Variants in ARSJ observed in about 807,000 individuals in gnomAD.
ARSJ encodes arylsulfatase family member J, also known as arylsulfatase J.
Under a neutral mutation model 35.9 loss-of-function variants are expected in ARSJ, and 26 were observed. The observed-to-expected ratio is 0.72, with a 90% CI of 0.53 to 1.00. ARSJ has a LOEUF of 1.00. Among genes scored for constraint, ARSJ ranks in the 50% least tolerant of loss-of-function variants. The pLI is 0.00. For synonymous variants in ARSJ, 294 were observed against 267.6 expected (o/e 1.10, Z -0.96); for missense variants, 667 against 723.6 (o/e 0.92, Z 0.90).
At chr4:113,935,519 A>C (rs958079755) in intron 1 of ARSJ, among the ~76,000 whole-genome samples, 10 of 151,942 alleles carry the variant, frequency 6.6e-5, no homozygotes, top group African/African-American at 2.2e-4. Flanking sequence ...CTGACTATAC[A>C]GAAAAATAAG....
chr4:113,947,237 T>C (rs1202711852), intron 1 of ARSJ, among the ~76,000 whole-genome samples: 1 of 152,040 alleles, frequency 6.6e-6, no homozygotes, highest in African/African-American at 2.4e-5. Flanking sequence ...TCCCAGCACA[T>C]TGGGAAGCCA....
In ARSJ at chr4:113,903,464, C is replaced by T; in HGVS notation, c.610G>A (p.Gly204Arg). 6 of 1,614,120 alleles carry T rather than the reference C, an allele frequency of 3.7e-6. No homozygotes were observed. Among genetic ancestry groups the T allele is most frequent in the African/African-American group, 1.3e-5 (1 of 75,046 alleles). ...CATTTGTAGTGTGTATAGTAATCCC[C>T]ACTTCCCAAAAGGGAACCAAAAAAG... ...DTFFGSLLGS[G>R]DYYTHYKCDS... is the part of the protein sequence containing the mutation. Residue 204 changes from glycine (G) to arginine (R), a missense_variant, in exon 2 of 2, where the codon GGG (glycine) becomes AGG (arginine). Transcript: ENST00000315366.
chr4:113,905,245 A>G (rs2099668353), intron 1 of ARSJ, among the ~76,000 whole-genome samples: 1 of 152,240 alleles, frequency 6.6e-6, no homozygotes, highest in Admixed American at 6.5e-5. Context: ...AGGTTGCAGA[A>G]AATTGTTAGG....
intron 1 of ARSJ, among the ~76,000 whole-genome samples, chr4:113,960,834 A>C (rs1726499440): frequency 1.3e-5 from 2 of 152,160 alleles, no homozygotes; most frequent in Admixed American, 6.6e-5. Flanking sequence ...GGAGATTGGC[A>C]GAAGTGCCCC....
intron 1 of ARSJ, among the ~76,000 whole-genome samples, chr4:113,954,174 C>T (rs1463799351): frequency 6.6e-6 from 1 of 152,018 alleles, no homozygotes; most frequent in Non-Finnish European, 1.5e-5. Flanking sequence ...ATATCCATTA[C>T]ATATCTCAAT....
At chr4:113,975,328 C>G (rs987321735) in intron 1 of ARSJ, among the ~76,000 whole-genome samples, 1 of 152,138 alleles carries the variant, frequency 6.6e-6, no homozygotes, top group Middle Eastern at 3.2e-3. Context: ...ATCAAAGATA[C>G]AAATTCAATT....
intron 1 of ARSJ, among the ~76,000 whole-genome samples, chr4:113,947,587 A>G: frequency 7.3e-6 from 1 of 136,338 alleles, no homozygotes; most frequent in Non-Finnish European, 1.6e-5. Flanking sequence ...AGGGAAAGGA[A>G]GGAAGGAGAG....
chr4:113,945,699 A>G (rs189601353), intron 1 of ARSJ, among the ~76,000 whole-genome samples: 1 of 152,238 alleles, frequency 6.6e-6, no homozygotes, highest in East Asian at 1.9e-4. Flanking sequence ...ACATTTACAT[A>G]TTAAAATTCC....
chr4:113,902,992 C>G lies in ARSJ; in HGVS notation c.1082G>C (p.Ser361Thr). ...GGIRAVGFVH[S>T]PLLKNKGTVC... Reference sequence around the variant, plus strand: ...TGTTCCCTTGTTTTTCAGAAGTGGGCTATGCACAAAGCCTACAGCCCGGAT... The same window carrying G: ...TGTTCCCTTGTTTTTCAGAAGTGGGGTATGCACAAAGCCTACAGCCCGGAT... Residue 361 changes from serine (S) to threonine (T), a missense_variant, in exon 2 of 2, where the codon AGC (serine) becomes ACC (threonine). Coordinates refer to ENST00000315366, the MANE Select transcript of ARSJ (RefSeq NM_024590.4). The G allele has an allele frequency of 1.2e-6, 2 of 1,614,132 alleles. No homozygotes were observed. Among genetic ancestry groups the G allele is most frequent in the Non-Finnish European group, 1.7e-6 (2 of 1,180,038 alleles).
chr4:113,948,573 T>C (rs1340496398), intron 1 of ARSJ, among the ~76,000 whole-genome samples: 1 of 92,182 alleles, frequency 1.1e-5, no homozygotes, highest in Non-Finnish European at 2.5e-5. Context: ...TACTATATTC[T>C]AGAATTTTTT....
chr4:113,940,550 A>G (rs1223870798), intron 1 of ARSJ, among the ~76,000 whole-genome samples: 1 of 151,886 alleles, frequency 6.6e-6, no homozygotes, highest in Non-Finnish European at 1.5e-5. Flanking sequence ...GCTGGGCTTA[A>G]TATTTAGGTG....
chr4:113,911,648 T>A (rs76450285), intron 1 of ARSJ, among the ~76,000 whole-genome samples: 8,731 of 152,178 alleles, frequency 0.057, 333 homozygotes, highest in East Asian at 0.11. Context: ...TGGCCGGGTG[T>A]AAGGAAATCT....
intron 1 of ARSJ, among the ~76,000 whole-genome samples, chr4:113,929,133 A>G (rs1365707108): frequency 6.6e-6 from 1 of 152,108 alleles, no homozygotes; most frequent in African/African-American, 2.4e-5. Flanking sequence ...AATACCCTTA[A>G]TATGCATTCC....
chr4:113,969,042 C>A (rs1015404345), intron 1 of ARSJ, among the ~76,000 whole-genome samples: 5 of 152,156 alleles, frequency 3.3e-5, no homozygotes, highest in Non-Finnish European at 7.4e-5. Context: ...AATAACATGT[C>A]TTGAGATTTT....
At chr4:113,937,500 C>T (rs938720457) in intron 1 of ARSJ, among the ~76,000 whole-genome samples, 7 of 152,072 alleles carry the variant, frequency 4.6e-5, no homozygotes, top group African/African-American at 1.7e-4. Context: ...TGCCCTTTCT[C>T]ACCACTCCTA....
rs755056687 is a variant in ARSJ, at chr4:113,902,207, G to A, written c.*67C>T. The A allele has an allele frequency of 4.4e-6, 7 of 1,599,764 alleles. No homozygotes were observed. Among genetic ancestry groups the A allele is most frequent in the Non-Finnish European group, 2.5e-6 (3 of 1,179,944 alleles). On this transcript the variant is annotated 3_prime_UTR_variant, in exon 2 of 2. Transcript: ENST00000315366. ...CGATATTATCGAGCCAAATTTGCTG[G>A]TTTACCTAGGAAACAGATGAAAGAT...
chr4:113,939,978 A>C (rs1290444374), intron 1 of ARSJ, among the ~76,000 whole-genome samples: 1 of 152,124 alleles, frequency 6.6e-6, no homozygotes, highest in African/African-American at 2.4e-5. Context: ...AATTATTAAA[A>C]CGTCAGGAAA....
At chr4:113,905,550 G>C (rs904958409) in intron 1 of ARSJ, among the ~76,000 whole-genome samples, 1 of 150,478 alleles carries the variant, frequency 6.6e-6, no homozygotes, top group Admixed American at 6.6e-5. Context: ...TGTCAGTTTT[G>C]CAATAGTCAT....
chr4:113,925,714 A>G (rs1724014288), intron 1 of ARSJ, among the ~76,000 whole-genome samples: 1 of 152,166 alleles, frequency 6.6e-6, no homozygotes, highest in South Asian at 2.1e-4. Context: ...CCATGAGTCC[A>G]CAGATGGTAG....
Sources: allele counts gnomAD v4.1 joint callset (sites outside exome capture counted in the v4.1 genomes callset), GRCh38; gene constraint gnomAD v4.1.1; transcripts MANE v1.5; gene names NCBI Gene and HGNC (gene_info 2026-07-23, HGNC 2026-07-21).